The following ASB15 variants were observed in gnomAD, a reference collection of about 807,000 sequenced individuals.
ASB15 encodes the protein ankyrin repeat and SOCS box containing 15.
Under a neutral mutation model 58.0 loss-of-function variants are expected in ASB15, and 54 were observed. The observed-to-expected ratio is 0.93, with a 90% CI of 0.75 to 1.17. The LOEUF (loss-of-function observed/expected upper bound fraction) is 1.17, where lower values mean the gene tolerates loss of function less well. ASB15 is among the 50% of genes most tolerant of loss of function. The probability of loss-of-function intolerance (pLI) is 0.00; values close to 1 mark genes in which losing one functional copy is unlikely to be tolerated. For synonymous variants in ASB15, 249 were observed against 262.4 expected, an observed-to-expected ratio of 0.95 and a Z score of 0.50; for missense variants, 680 against 707.4, an observed-to-expected ratio of 0.96 and a Z score of 0.44.
intron 1 of ASB15, among the ~76,000 whole-genome samples, chr7:123,567,471 T>A (rs1487654901): frequency 1.3e-5 from 2 of 152,208 alleles, no homozygotes; most frequent in Non-Finnish European, 2.9e-5. Context: ...AGCTCTTGTT[T>A]ATCCAAAATT....
chr7:123,569,182 T>C (rs1798836766), intron 1 of ASB15, among the ~76,000 whole-genome samples: 1 of 152,164 alleles, frequency 6.6e-6, no homozygotes, highest in African/African-American at 2.4e-5. Context: ...TAAGGAGTCA[T>C]TTTGTCCGGT....
intron 11 of ASB15, among the ~76,000 whole-genome samples, chr7:123,631,895 G>A (rs979755887): frequency 1.3e-5 from 2 of 152,054 alleles, no homozygotes; most frequent in Admixed American, 6.6e-5. Flanking sequence ...TGGCTAACAA[G>A]GTGAAACCCC....
chr7:123,619,677 C>T (rs1036343145), intron 7 of ASB15, among the ~76,000 whole-genome samples: 3 of 152,128 alleles, frequency 2.0e-5, no homozygotes, highest in African/African-American at 7.2e-5. Context: ...GCGCCCGCCA[C>T]CACGCCCAGC....
intron 1 of ASB15, among the ~76,000 whole-genome samples, chr7:123,576,433 T>G (rs1799067735): frequency 6.6e-6 from 1 of 152,188 alleles, no homozygotes; most frequent in Non-Finnish European, 1.5e-5. Context: ...ATTCATACGT[T>G]GAAAAGTTTT....
chr7:123,615,495 C>T (rs892002388), intron 4 of ASB15: 2 of 152,170 alleles, frequency 1.3e-5, no homozygotes, highest in African/African-American at 4.8e-5. Flanking sequence ...TCCTGGAAGG[C>T]ATTCACAACC....
In ASB15 at chr7:123,627,099, T is replaced by C; in HGVS notation, c.698-11T>C. On this transcript the variant is annotated splice_polypyrimidine_tract_variant and intron_variant, in intron 8 of 11. Transcript: ENST00000451215. ...ATCCAGTTATCATTATGCCACGTTT[T>C]ATACTGCCAGGTGGTGATGTGCTTG... The C allele has an allele frequency of 6.2e-7, 1 of 1,609,712 alleles. No individual in the cohort carries two copies. The highest frequency in any genetic ancestry group is 1.1e-5 in the South Asian group (1 of 90,542).
chr7:123,611,825 C>T (rs1800481741), intron 3 of ASB15, among the ~76,000 whole-genome samples: 2 of 152,130 alleles, frequency 1.3e-5, no homozygotes. Context: ...ATCTTCACTT[C>T]ATCTCAAGCT....
At chr7:123,600,332 T>C (rs1156916710), upstream of ASB15, among the ~76,000 whole-genome samples, 2 of 152,196 alleles carry the variant, frequency 1.3e-5, no homozygotes, top group African/African-American at 4.8e-5. Flanking sequence ...ATGGTATAGG[T>C]AGATCTATAA....
intron 2 of ASB15, among the ~76,000 whole-genome samples, chr7:123,608,382 G>A (rs1312650145): frequency 6.6e-6 from 1 of 152,120 alleles, no homozygotes; most frequent in Non-Finnish European, 1.5e-5. Context: ...TCCCATGCCA[G>A]ATATCATGTT....
intron 1 of ASB15, among the ~76,000 whole-genome samples, chr7:123,583,005 C>G (rs775192665): frequency 6.6e-6 from 1 of 152,018 alleles, no homozygotes; most frequent in African/African-American, 2.4e-5. Context: ...ATTTTTATAG[C>G]AGGCAAAGAG....
At chr7:123,574,222 G>C (rs933989029) in intron 1 of ASB15, among the ~76,000 whole-genome samples, 3 of 126,576 alleles carry the variant, frequency 2.4e-5, no homozygotes, top group African/African-American at 9.0e-5. Flanking sequence ...TTTTTTTTCT[G>C]ATTCACTATT....
At chr7:123,580,299 G>T (rs958952605) in intron 1 of ASB15, among the ~76,000 whole-genome samples, 3 of 152,034 alleles carry the variant, frequency 2.0e-5, no homozygotes, top group Non-Finnish European at 2.9e-5. Context: ...GTTCTCTGTT[G>T]CACTGCTTTT....
chr7:123,569,982 TATAAGTCACTGTCAACA>T (rs1314269288), intron 1 of ASB15, among the ~76,000 whole-genome samples: 6 of 151,280 alleles, frequency 4.0e-5, no homozygotes, highest in Non-Finnish European at 5.9e-5. Flanking sequence ...TATGATGGGA[TATAAGTCACTGTCAACA>T]ATACCTAAAG....
intron 1 of ASB15, among the ~76,000 whole-genome samples, chr7:123,569,895 G>A (rs1055587957): frequency 3.3e-5 from 5 of 152,062 alleles, no homozygotes; most frequent in African/African-American, 7.2e-5. Context: ...GCCTTTGTAC[G>A]GATGACTTAG....
chr7:123,631,428 T>C (rs146724449), intron 11 of ASB15, among the ~76,000 whole-genome samples: 42 of 152,346 alleles, frequency 2.8e-4, no homozygotes, highest in African/African-American at 7.9e-4. Flanking sequence ...ATATGTACAG[T>C]GTGCTATGAA....
At chr7:123,575,880 T>G (rs1206096866) in intron 1 of ASB15, among the ~76,000 whole-genome samples, 1 of 151,032 alleles carries the variant, frequency 6.6e-6, no homozygotes, top group Non-Finnish European at 1.5e-5. Context: ...AATTTTTGGT[T>G]ACTTTTCCCT....
chr7:123,619,558 C>G (rs1290349573), intron 7 of ASB15, among the ~76,000 whole-genome samples: 2 of 152,086 alleles, frequency 1.3e-5, no homozygotes, highest in East Asian at 1.9e-4. Flanking sequence ...GAGTCTCGCT[C>G]TGTTGCCCAG....
intron 1 of ASB15, among the ~76,000 whole-genome samples, chr7:123,570,563 G>A (rs34163760): frequency 0.16 from 23,759 of 152,056 alleles, 2,031 homozygotes; most frequent in African/African-American, 0.21. Flanking sequence ...GGCTTCTGAC[G>A]TCCTCACTCA....
chr7:123,605,859 G>C (rs936425075), intron 2 of ASB15, among the ~76,000 whole-genome samples: 5 of 152,166 alleles, frequency 3.3e-5, no homozygotes, highest in Non-Finnish European at 7.4e-5. Context: ...TCGAAAGTGG[G>C]AGGAGGGCAA....
Sources: allele counts gnomAD v4.1 joint callset (sites outside exome capture counted in the v4.1 genomes callset), GRCh38; gene constraint gnomAD v4.1.1; transcripts MANE v1.5; gene names NCBI Gene and HGNC (gene_info 2026-07-23, HGNC 2026-07-21).